Variants in CREB5 observed in about 807,000 individuals in gnomAD.
CREB5 encodes the protein cAMP responsive element binding protein 5, also known as cyclic AMP-responsive element-binding protein 5.
In CREB5, 19 loss-of-function variants were observed where a neutral mutation model predicts 57.1. The observed-to-expected ratio is 0.33, with a 90% CI of 0.23 to 0.49. The LOEUF (loss-of-function observed/expected upper bound fraction) is 0.49. CREB5 is among the 20% of genes least tolerant of loss of function. CREB5 has a pLI of 0.99. For missense variants in CREB5, 579 were observed against 671.6 expected, an observed-to-expected ratio of 0.86 and a Z score of 1.52; for synonymous variants, 238 against 238.3, an observed-to-expected ratio of 1.00 and a Z score of 0.01.
intron 5 of CREB5, among the ~76,000 whole-genome samples, chr7:28,682,452 T>C (rs925360784): frequency 4.6e-5 from 7 of 152,192 alleles, no homozygotes; most frequent in Non-Finnish European, 1.0e-4. Context: ...ACCACCTGGA[T>C]GGTTATTGTA....
intron 1 of CREB5, among the ~76,000 whole-genome samples, chr7:28,311,394 G>A (rs1199129948): frequency 6.6e-6 from 1 of 152,116 alleles, no homozygotes; most frequent in Non-Finnish European, 1.5e-5. Context: ...TAAAACCAAT[G>A]GGAACTGAGC....
intron 1 of CREB5, among the ~76,000 whole-genome samples, chr7:28,394,577 A>G (rs912874987): frequency 6.6e-6 from 1 of 152,218 alleles, no homozygotes; most frequent in African/African-American, 2.4e-5. Context: ...TAAGGCTAGT[A>G]ACAGTTAAGC....
chr7:28,320,087 T>C (rs893629856), intron 1 of CREB5, among the ~76,000 whole-genome samples: 2 of 151,896 alleles, frequency 1.3e-5, no homozygotes, highest in African/African-American at 2.4e-5. Context: ...CGTGCCACCA[T>C]GCCTGGCTAA....
intron 7 of CREB5, among the ~76,000 whole-genome samples, chr7:28,734,516 TA>T (rs1803864034): frequency 6.6e-6 from 1 of 152,148 alleles, no homozygotes; most frequent in African/African-American, 2.4e-5. Context: ...GGGTTTCACT[TA>T]AAAATTTAAC....
At chr7:28,300,443 G>A (rs1785081021) in intron 1 of CREB5, among the ~76,000 whole-genome samples, 1 of 152,130 alleles carries the variant, frequency 6.6e-6, no homozygotes, top group Non-Finnish European at 1.5e-5. Flanking sequence ...GGTGTTGGGT[G>A]GACAATAAAC....
At chr7:28,504,050 C>G (rs967887816) in intron 3 of CREB5, among the ~76,000 whole-genome samples, 2 of 152,168 alleles carry the variant, frequency 1.3e-5, no homozygotes, top group African/African-American at 4.8e-5. Context: ...TGTGAGTGAG[C>G]TATTCTTTCC....
At position 28,728,018 on chromosome 7, in the gene CREB5, TC is replaced by T. The variant is rs139208361; in HGVS notation, c.702+3687del. Among the ~76,000 whole-genome samples the T allele has an allele frequency of 9.4e-3, 1,435 of 152,272 alleles. 23 individuals are homozygous for T. The highest frequency in any genetic ancestry group is 0.033 in the African/African-American group (1,378 of 41,538). ...TGGAGTGCAGTGGCATGACTATGGC[TC>T]ACTGCAGCCTCGAATTCCTGGGCTG... is the stretch of plus-strand genomic sequence containing the variant. On this transcript the variant is annotated intron_variant, in intron 7 of 10. Transcript: ENST00000357727.
At chr7:28,568,902 T>C (rs1431935332) in intron 4 of CREB5, among the ~76,000 whole-genome samples, 1 of 152,228 alleles carries the variant, frequency 6.6e-6, no homozygotes, top group African/African-American at 2.4e-5. Context: ...AAAGGACCAC[T>C]TCTAGTTCTC....
At chr7:28,480,823 T>G (rs185733839) in intron 1 of CREB5, among the ~76,000 whole-genome samples, 1 of 152,354 alleles carries the variant, frequency 6.6e-6, no homozygotes, top group East Asian at 1.9e-4. Context: ...GCACCTCTCA[T>G]GCTTCACACA....
rs80084183 is a variant in CREB5, at chr7:28,640,413, C to T, written c.464+69876C>T. Among the ~76,000 whole-genome samples the T allele has an allele frequency of 4.3e-3, 647 of 152,228 alleles. 4 individuals carry two copies. Among genetic ancestry groups the T allele is most frequent in the African/African-American group, 0.015 (609 of 41,542 alleles). Reference sequence around the variant, plus strand: ...CCAAACATCTTTCAAAAACCAACAACGCAAAAATAAGAATTTCAGCAACAA... The same window carrying T: ...CCAAACATCTTTCAAAAACCAACAATGCAAAAATAAGAATTTCAGCAACAA... On this transcript the variant is annotated intron_variant, in intron 5 of 10. Transcript: ENST00000357727.
At chr7:28,438,627 A>G (rs1265417288) in intron 1 of CREB5, among the ~76,000 whole-genome samples, 1 of 152,200 alleles carries the variant, frequency 6.6e-6, no homozygotes, top group African/African-American at 2.4e-5. Flanking sequence ...ATTTTACTTG[A>G]CATGTGAAGC....
At chr7:28,802,146 T>C (rs1328521438) in intron 7 of CREB5, among the ~76,000 whole-genome samples, 2 of 139,464 alleles carry the variant, frequency 1.4e-5, no homozygotes, top group Non-Finnish European at 3.1e-5. Context: ...TTCCCAGACA[T>C]TTAGGATGCT....
chr7:28,347,452 T>C (rs2127989886), intron 1 of CREB5, among the ~76,000 whole-genome samples: 1 of 152,238 alleles, frequency 6.6e-6, no homozygotes, highest in African/African-American at 2.4e-5. Flanking sequence ...AAAAAATCTT[T>C]CCCCTTTAAA....
intron 7 of CREB5, among the ~76,000 whole-genome samples, chr7:28,764,608 A>G (rs775733084): frequency 2.6e-5 from 4 of 152,204 alleles, no homozygotes; most frequent in Non-Finnish European, 5.9e-5. Flanking sequence ...TTCTATTTTC[A>G]TATTAGGCTT....
chr7:28,313,910 G>A (rs1785327886), intron 1 of CREB5, among the ~76,000 whole-genome samples: 1 of 152,062 alleles, frequency 6.6e-6, no homozygotes, highest in East Asian at 1.9e-4. Context: ...AGTTTTATTG[G>A]GAGCTGCAAA....
At chr7:28,436,340 A>G (rs73297135) in intron 1 of CREB5, among the ~76,000 whole-genome samples, 2,654 of 152,190 alleles carry the variant, frequency 0.017, 89 homozygotes, top group African/African-American at 0.06. Context: ...CACAGCTACA[A>G]TCTGTTGGTT....
At chr7:28,327,348 G>C (rs1448561499) in intron 1 of CREB5, among the ~76,000 whole-genome samples, 1 of 152,102 alleles carries the variant, frequency 6.6e-6, no homozygotes, top group Non-Finnish European at 1.5e-5. Flanking sequence ...ATGTACCTCA[G>C]AGTGACTTGA....
intron 4 of CREB5, among the ~76,000 whole-genome samples, chr7:28,521,043 G>A (rs1053744774): frequency 1.1e-4 from 16 of 152,190 alleles, no homozygotes; most frequent in Non-Finnish European, 2.4e-4. Context: ...TCACTTGTGT[G>A]GGGGCAGTCT....
chr7:28,671,856 A>G (rs893192977), intron 5 of CREB5, among the ~76,000 whole-genome samples: 2 of 152,230 alleles, frequency 1.3e-5, no homozygotes, highest in African/African-American at 2.4e-5. Flanking sequence ...TAGAATGTGA[A>G]GAGACCTTAC....
Sources: allele counts gnomAD v4.1 joint callset (sites outside exome capture counted in the v4.1 genomes callset), GRCh38; gene constraint gnomAD v4.1.1; transcripts MANE v1.5; gene names NCBI Gene and HGNC (gene_info 2026-07-23, HGNC 2026-07-21).